PRKCB: variants seen among roughly 807,000 people sequenced by gnomAD.
PRKCB encodes the protein protein kinase C beta.
PRKCB carries 13 observed loss-of-function variants against 81.5 expected under a neutral mutation model. That is an observed-to-expected ratio of 0.16 (90% CI 0.10 to 0.25). The LOEUF (loss-of-function observed/expected upper bound fraction) is 0.25. Among genes scored for constraint, PRKCB ranks in the 10% least tolerant of loss-of-function variants. PRKCB has a pLI of 1.00. For synonymous variants in PRKCB, 335 were observed against 321.4 expected (o/e 1.04, Z -0.45); for missense variants, 509 against 875.7 (o/e 0.58, Z 5.29).
chr16:23,877,352 T>G (rs1363838785), intron 2 of PRKCB, among the ~76,000 whole-genome samples: 1 of 152,070 alleles, frequency 6.6e-6, no homozygotes, highest in Non-Finnish European at 1.5e-5. Context: ...AAACAAATGC[T>G]AAATTTTAGA....
intron 2 of PRKCB, among the ~76,000 whole-genome samples, chr16:23,917,452 T>C (rs1180811625): frequency 6.6e-6 from 1 of 152,222 alleles, no homozygotes. Context: ...TTGGGATATA[T>C]TGACTCAGAA....
intron 2 of PRKCB, among the ~76,000 whole-genome samples, chr16:23,887,020 T>A (rs937607150): frequency 2.6e-5 from 4 of 152,232 alleles, no homozygotes; most frequent in African/African-American, 9.6e-5. Context: ...GGAACGAATC[T>A]GTAAATCCCA....
chr16:24,093,085 A>T, intron 6 of PRKCB, 138 bp downstream of exon 6: 1 of 908,332 alleles, frequency 1.1e-6, no homozygotes, highest in Non-Finnish European at 1.6e-6. Flanking sequence ...TCCATCCCTC[A>T]CTCCTATCTT....
At chr16:23,881,521 G>A (rs1162544017) in intron 2 of PRKCB, among the ~76,000 whole-genome samples, 1 of 151,888 alleles carries the variant, frequency 6.6e-6, no homozygotes, top group Non-Finnish European at 1.5e-5. Flanking sequence ...CAAAGTGCTG[G>A]GATTACAGGC....
chr16:24,057,912 C>G (rs1965924755), intron 5 of PRKCB, among the ~76,000 whole-genome samples: 1 of 152,156 alleles, frequency 6.6e-6, no homozygotes, highest in African/African-American at 2.4e-5. Flanking sequence ...AAATGTAAAT[C>G]AGGCCATGTC....
chr16:23,994,951 C>T (rs1964935664), intron 3 of PRKCB, among the ~76,000 whole-genome samples: 1 of 152,134 alleles, frequency 6.6e-6, no homozygotes, highest in African/African-American at 2.4e-5. Flanking sequence ...ACATTGATGA[C>T]ATTATGCTGA....
In PRKCB at chr16:24,079,828, C is replaced by T. The variant is rs1020574804; in HGVS notation, c.530-12963C>T. ...TTTGATTGTGGCCTTAATAGATATGCCTCTAGAGTTTTACCCGTAAGCATA... is the reference window on the plus strand; with the variant it reads ...TTTGATTGTGGCCTTAATAGATATGTCTCTAGAGTTTTACCCGTAAGCATA... On this transcript the variant is annotated intron_variant, in intron 5 of 16. Transcript: ENST00000643927. Among the ~76,000 whole-genome samples, 6 of 152,102 alleles carry T rather than the reference C, an allele frequency of 3.9e-5. No individual in the cohort carries two copies. In the South Asian group the frequency reaches 6.2e-4, roughly 16 times the overall value.
At chr16:24,179,241 G>A (rs1244224893) in intron 12 of PRKCB, among the ~76,000 whole-genome samples, 2 of 152,224 alleles carry the variant, frequency 1.3e-5, no homozygotes, top group African/African-American at 4.8e-5. Flanking sequence ...GGCTGGGACA[G>A]GCCCACTTGA....
chr16:24,202,417 G>T (rs560089981), intron 16 of PRKCB, among the ~76,000 whole-genome samples: 6 of 152,260 alleles, frequency 3.9e-5, no homozygotes, highest in African/African-American at 1.2e-4. Context: ...CCTGAAAACT[G>T]CCTCTTCTCA....
chr16:23,896,205 A>G (rs1170553533), intron 2 of PRKCB, among the ~76,000 whole-genome samples: 1 of 152,146 alleles, frequency 6.6e-6, no homozygotes. Flanking sequence ...TTGATTTCCC[A>G]TGAATTGCTA....
At position 24,217,817 on chromosome 16, in the gene PRKCB, TA is replaced by T; in HGVS notation, c.*3002del. On this transcript the variant is annotated 3_prime_UTR_variant, in exon 17 of 17. Coordinates refer to ENST00000643927, the MANE Select transcript of PRKCB (RefSeq NM_002738.7). The stretch of plus-strand genomic sequence containing the variant: ...TCTAGCTCCAAATATACCTGCCTTT[TA>T]GCTCACACACTGTCCTGGAGTTCTC... 1.0e-6 allele frequency: 1 copy of T among 985,420 alleles called. No individual in the cohort carries two copies. Among genetic ancestry groups the T allele is most frequent in the Non-Finnish European group, 1.2e-6 (1 of 829,938 alleles). 61.0% of individuals were successfully genotyped at this position (985,420 alleles called of 1,614,324 possible).
At chr16:23,946,313 A>T (rs992434313) in intron 2 of PRKCB, among the ~76,000 whole-genome samples, 1 of 152,182 alleles carries the variant, frequency 6.6e-6, no homozygotes, top group Non-Finnish European at 1.5e-5. Context: ...TAAAGAGACC[A>T]CCCAAAGAAT....
intron 3 of PRKCB, among the ~76,000 whole-genome samples, chr16:24,022,226 G>C (rs1418480948): frequency 6.6e-6 from 1 of 152,130 alleles, no homozygotes; most frequent in African/African-American, 2.4e-5. Context: ...CATGGGGTTG[G>C]ATTCCAGCAC....
intron 2 of PRKCB, among the ~76,000 whole-genome samples, chr16:23,930,141 C>T (rs950481632): frequency 6.6e-6 from 1 of 152,116 alleles, no homozygotes; most frequent in East Asian, 1.9e-4. Flanking sequence ...GGGAAGATAA[C>T]ACCTTGAGAA....
rs1370435594 is a variant in PRKCB at position 24,217,074 on chromosome 16, G to T, written c.*2258G>T. The T allele has an allele frequency of 3.7e-5, 36 of 984,078 alleles. No homozygotes were observed. The highest frequency in any genetic ancestry group is 4.3e-5 in the Non-Finnish European group (36 of 829,738). The allele number at this position is 984,078 out of a possible 1,614,324, so 61.0% of individuals were successfully genotyped here. On this transcript the variant is annotated 3_prime_UTR_variant, in exon 17 of 17. Transcript: ENST00000643927. ...GAGACAACTTTAGAAAACAATGTAGGATGAATGGAAAGAGAAAGAAAGGAA... is the reference window on the plus strand; with the variant it reads ...GAGACAACTTTAGAAAACAATGTAGTATGAATGGAAAGAGAAAGAAAGGAA...
Position 24,219,538 on chromosome 16 carries a change from G to A in PRKCB, c.*4722G>A, listed in dbSNP as rs1968287608. 1.0e-6 allele frequency: 1 copy of A among 988,774 alleles called. No individual in the cohort carries two copies. Among genetic ancestry groups the A allele is most frequent in the African/African-American group, 1.7e-5 (1 of 57,292 alleles). The allele number at this position is 988,774 out of a possible 1,614,324, so 61.3% of individuals were successfully genotyped here. On this transcript the variant is annotated 3_prime_UTR_variant, in exon 17 of 17. Transcript: ENST00000643927. ...GAGAAAGAGGTCTTCTAGCCACCTG[G>A]GCTGCTACTGAATGGTTTTCTCCAG... is the stretch of plus-strand genomic sequence containing the variant.
chr16:23,977,271 G>A (rs776961942), intron 2 of PRKCB, among the ~76,000 whole-genome samples: 28 of 152,220 alleles, frequency 1.8e-4, no homozygotes, highest in Non-Finnish European at 3.2e-4. Context: ...CCTCCCAGAT[G>A]TGTTAGTGTG....
chr16:24,206,295 G>A (rs779104884), intron 16 of PRKCB, among the ~76,000 whole-genome samples: 7 of 152,176 alleles, frequency 4.6e-5, no homozygotes, highest in South Asian at 2.1e-4. Context: ...GTGGGAAACT[G>A]GAAGGCATAG....
chr16:24,205,255 A>T (rs941983753), intron 16 of PRKCB, among the ~76,000 whole-genome samples: 1 of 144,038 alleles, frequency 6.9e-6, no homozygotes, highest in Non-Finnish European at 1.5e-5. Flanking sequence ...GGCTCAAGGG[A>T]TTCCCCGTGC....
Sources: gnomAD v4.1 joint callset for allele counts (sites outside exome capture counted in the v4.1 genomes callset) on GRCh38, gnomAD v4.1.1 for gene constraint, MANE v1.5 for transcripts, NCBI Gene and HGNC (gene_info 2026-07-23, HGNC 2026-07-21) for gene names.